The following CDH12 variants were observed in gnomAD, a reference collection of about 807,000 sequenced individuals.
CDH12 encodes the protein cadherin 12.
CDH12 carries 41 observed loss-of-function variants against 74.1 expected under a neutral mutation model. That is an observed-to-expected ratio of 0.55 (90% confidence interval 0.43 to 0.72). The LOEUF (loss-of-function observed/expected upper bound fraction) is 0.72, where lower values mean the gene tolerates loss of function less well. Ranked by LOEUF, CDH12 falls within the 30% of genes least tolerant of loss-of-function variation. CDH12 has a pLI of 0.00. For synonymous variants in CDH12, 399 were observed against 355.0 expected, an observed-to-expected ratio of 1.12 and a Z score of -1.39; for missense variants, 945 against 977.2, an observed-to-expected ratio of 0.97 and a Z score of 0.44.
At chr5:22,541,668 T>C (rs565646753) in intron 1 of CDH12, among the ~76,000 whole-genome samples, 1 of 152,346 alleles carries the variant, frequency 6.6e-6, no homozygotes, top group Admixed American at 6.5e-5. Flanking sequence ...GTTTGTGCCC[T>C]ATAATCATTT....
chr5:22,765,020 G>A (rs191250258), intron 1 of CDH12, among the ~76,000 whole-genome samples: 1 of 152,004 alleles, frequency 6.6e-6, no homozygotes, highest in African/African-American at 2.4e-5. Flanking sequence ...TCAAAAGAAA[G>A]AACCATTAAT....
chr5:22,396,776 C>G (rs1742479405), intron 3 of CDH12, among the ~76,000 whole-genome samples: 1 of 152,052 alleles, frequency 6.6e-6, no homozygotes, highest in African/African-American at 2.4e-5. Context: ...CAAGTTGGTT[C>G]TTTTCTAATC....
chr5:22,711,822 A>G (rs1450900991), intron 1 of CDH12, among the ~76,000 whole-genome samples: 2 of 152,154 alleles, frequency 1.3e-5, no homozygotes, highest in South Asian at 2.1e-4. Context: ...TGTTAAAATT[A>G]GAGAAGTAAT....
At chr5:22,636,207 T>C (rs2126863610) in intron 1 of CDH12, among the ~76,000 whole-genome samples, 1 of 152,240 alleles carries the variant, frequency 6.6e-6, no homozygotes, top group Non-Finnish European at 1.5e-5. Context: ...GAGTTATACA[T>C]GTCCAGTGGG....
intron 1 of CDH12, among the ~76,000 whole-genome samples, chr5:22,766,415 A>C (rs545762978): frequency 2.0e-5 from 3 of 152,222 alleles, no homozygotes; most frequent in East Asian, 1.9e-4. Flanking sequence ...GTGAAAACGC[A>C]TGAAACCAAG....
chr5:22,315,153 G>A (rs1402608508), intron 3 of CDH12, among the ~76,000 whole-genome samples: 2 of 56,272 alleles, frequency 3.6e-5, no homozygotes, highest in African/African-American at 1.2e-4. Context: ...TAGTAGAGAC[G>A]GGGTTTCACC....
chr5:22,160,562 C>A (rs1748281595), intron 4 of CDH12, among the ~76,000 whole-genome samples: 1 of 152,144 alleles, frequency 6.6e-6, no homozygotes, highest in African/African-American at 2.4e-5. Flanking sequence ...GCTGCTATAA[C>A]TAAAATAGCA....
intron 1 of CDH12, among the ~76,000 whole-genome samples, chr5:22,792,879 T>A (rs1747987894): frequency 6.6e-6 from 1 of 152,204 alleles, no homozygotes; most frequent in South Asian, 2.1e-4. Context: ...TTTTATATAT[T>A]TATTTAGATA....
chr5:22,637,514 C>T lies in CDH12; in HGVS notation c.-522-132150G>A, dbSNP rs80315127. ...CAGATGCTACAAAGTGCTGCATAAG[C>T]ACAGGACAAAAGTACTCCTTTTCAC... On this transcript the variant is annotated intron_variant, in intron 1 of 14. Transcript: ENST00000382254. Among the ~76,000 whole-genome samples the T allele has an allele frequency of 1.3e-3, 196 of 152,346 alleles. 2 individuals are homozygous for T. Among genetic ancestry groups the T allele is most frequent in the African/African-American group, 4.4e-3 (182 of 41,592 alleles).
intron 1 of CDH12, among the ~76,000 whole-genome samples, chr5:22,575,856 C>G (rs142700946): frequency 6.6e-6 from 1 of 152,000 alleles, no homozygotes; most frequent in Non-Finnish European, 1.5e-5. Context: ...TGAGCCACTG[C>G]GCCTGGCCTT....
chr5:22,413,104 C>A (rs1168352965), intron 2 of CDH12, among the ~76,000 whole-genome samples: 2 of 151,850 alleles, frequency 1.3e-5, no homozygotes, highest in African/African-American at 4.8e-5. Flanking sequence ...ATTTTATGTG[C>A]TTAACTTTGT....
At chr5:22,099,400 C>T (rs949344072) in intron 4 of CDH12, among the ~76,000 whole-genome samples, 4 of 152,198 alleles carry the variant, frequency 2.6e-5, no homozygotes, top group Non-Finnish European at 5.9e-5. Flanking sequence ...CAGCCACCAA[C>T]TTAAAAAGGA....
chr5:22,831,989 G>T (rs1736635682), intron 1 of CDH12, among the ~76,000 whole-genome samples: 1 of 152,094 alleles, frequency 6.6e-6, no homozygotes, highest in Admixed American at 6.6e-5. Context: ...TCTTGATTCG[G>T]CAGGTACTGG....
chr5:22,038,143 T>G (rs1488402997), intron 5 of CDH12, among the ~76,000 whole-genome samples: 2 of 152,074 alleles, frequency 1.3e-5, no homozygotes, highest in Non-Finnish European at 2.9e-5. Context: ...CTACACCCCT[T>G]TGGAAATGCA....
chr5:21,996,717 C>A (rs1736324483), intron 5 of CDH12, among the ~76,000 whole-genome samples: 1 of 151,952 alleles, frequency 6.6e-6, no homozygotes, highest in Non-Finnish European at 1.5e-5. Flanking sequence ...AAAAATAAAA[C>A]AAGTTTTGTT....
chr5:22,285,214 C>T (rs1478404925), intron 3 of CDH12, among the ~76,000 whole-genome samples: 1 of 152,110 alleles, frequency 6.6e-6, no homozygotes, highest in Admixed American at 6.6e-5. Flanking sequence ...CTACCCATCA[C>T]TTCATTATTT....
chr5:22,487,145 G>A (rs1377492913), intron 2 of CDH12, among the ~76,000 whole-genome samples: 1 of 151,794 alleles, frequency 6.6e-6, no homozygotes, highest in Non-Finnish European at 1.5e-5. Context: ...TGGGATTACA[G>A]GCATGTGCCA....
intron 2 of CDH12, among the ~76,000 whole-genome samples, chr5:22,448,865 T>C (rs1328024079): frequency 6.6e-6 from 1 of 152,010 alleles, no homozygotes; most frequent in Non-Finnish European, 1.5e-5. Flanking sequence ...TGAAATAATG[T>C]ATAGAAAAAT....
chr5:22,686,291 T>G (rs1224979580), intron 1 of CDH12, among the ~76,000 whole-genome samples: 2 of 152,148 alleles, frequency 1.3e-5, no homozygotes, highest in Non-Finnish European at 2.9e-5. Context: ...TCCTTTATCA[T>G]GTATTTGATT....
Sources: allele counts gnomAD v4.1 joint callset (sites outside exome capture counted in the v4.1 genomes callset), GRCh38; gene constraint gnomAD v4.1.1; transcripts MANE v1.5; gene names NCBI Gene and HGNC (gene_info 2026-07-23, HGNC 2026-07-21).